Variants in PSD3 observed in about 807,000 individuals in gnomAD.
The protein encoded by PSD3 is PH and SEC7 domain-containing protein 3.
In PSD3, 49 loss-of-function variants were observed where a neutral mutation model predicts 105.5. The ratio of observed to expected loss-of-function variants is 0.46; its 90% confidence interval spans 0.37 to 0.59. The LOEUF is 0.59. Among genes scored for constraint, PSD3 ranks in the 20% least tolerant of loss-of-function variants. PSD3 has a pLI of 0.00. For synonymous variants in PSD3, 557 were observed against 457.8 expected (o/e 1.22, Z -2.77); for missense variants, 1,561 against 1,263.8 (o/e 1.24, Z -3.57).
At chr8:18,760,513 G>C (rs1046938751) in intron 9 of PSD3, among the ~76,000 whole-genome samples, 3 of 152,044 alleles carry the variant, frequency 2.0e-5, no homozygotes, top group African/African-American at 7.2e-5. Context: ...TTCTGTGCCT[G>C]GCTTATTTCA....
intron 8 of PSD3, among the ~76,000 whole-genome samples, chr8:18,772,421 T>C (rs1807624544): frequency 1.3e-5 from 2 of 152,216 alleles, no homozygotes; most frequent in Admixed American, 6.5e-5. Flanking sequence ...ATGATCGTAG[T>C]GGGTATCAGG....
chr8:19,076,633 C>T (rs1336277620), intron 1 of PSD3, among the ~76,000 whole-genome samples: 1 of 152,140 alleles, frequency 6.6e-6, no homozygotes, highest in African/African-American at 2.4e-5. Context: ...AACAGAAACA[C>T]AGTGAATATG....
intron 9 of PSD3, among the ~76,000 whole-genome samples, chr8:18,706,855 A>G (rs1327275554): frequency 2.0e-5 from 3 of 152,176 alleles, no homozygotes; most frequent in Admixed American, 6.5e-5. Context: ...TTAGTTACCT[A>G]TTAGGAAAGA....
At chr8:18,717,601 TTA>T (rs1802684316) in intron 9 of PSD3, among the ~76,000 whole-genome samples, 1 of 152,212 alleles carries the variant, frequency 6.6e-6, no homozygotes, top group South Asian at 2.1e-4. Flanking sequence ...ATTATATATT[TTA>T]TATGTTTGTA....
chr8:18,817,845 T>C (rs1190414454), intron 4 of PSD3, among the ~76,000 whole-genome samples: 2 of 152,212 alleles, frequency 1.3e-5, no homozygotes, highest in Non-Finnish European at 2.9e-5. Context: ...AAAAGCAAAG[T>C]GGACAGAATG....
rs555926218 is a variant in PSD3 at position 18,985,097 on chromosome 8, C to G, written c.21+28466G>C. The stretch of plus-strand genomic sequence containing the variant: ...TGCAGGTGCCCGCCACCACACCCGG[C>G]TAATTTTTATATTTTTAGTGGAGAT... On this transcript the variant is annotated intron_variant, in intron 1 of 15. Transcript: ENST00000327040. Among the ~76,000 whole-genome samples the G allele has an allele frequency of 7.5e-4, 114 of 152,280 alleles. No individual in the cohort carries two copies. The South Asian group carries it at 0.01, about 14-fold the overall frequency.
intron 1 of PSD3, among the ~76,000 whole-genome samples, chr8:19,062,503 C>T (rs78283092): frequency 0.098 from 14,831 of 151,436 alleles, 753 homozygotes; most frequent in African/African-American, 0.11. Flanking sequence ...GTTAACTCCA[C>T]GACAGACCAT....
At chr8:18,711,655 A>G (rs534354886) in intron 9 of PSD3, among the ~76,000 whole-genome samples, 1 of 152,196 alleles carries the variant, frequency 6.6e-6, no homozygotes, top group Non-Finnish European at 1.5e-5. Flanking sequence ...CTACAAAGAG[A>G]CTTAGACTCC....
intron 2 of PSD3, among the ~76,000 whole-genome samples, chr8:18,894,860 G>A (rs1398389819): frequency 1.3e-5 from 2 of 152,170 alleles, no homozygotes; most frequent in Admixed American, 1.3e-4. Flanking sequence ...GGAGACATCC[G>A]GAAGGGACAA....
intron 1 of PSD3, among the ~76,000 whole-genome samples, chr8:18,942,071 A>G (rs1237725657): frequency 2.0e-5 from 3 of 152,134 alleles, no homozygotes; most frequent in African/African-American, 7.2e-5. Flanking sequence ...AGTGGTTTTC[A>G]GTTGATTTGG....
intron 4 of PSD3, among the ~76,000 whole-genome samples, chr8:18,834,541 A>T (rs1813938979): frequency 6.6e-6 from 1 of 152,166 alleles, no homozygotes; most frequent in Non-Finnish European, 1.5e-5. Context: ...AGCTGACTGG[A>T]ACAGGAGTGA....
chr8:18,740,570 A>C (rs977481844), intron 9 of PSD3, among the ~76,000 whole-genome samples: 1 of 152,156 alleles, frequency 6.6e-6, no homozygotes, highest in Non-Finnish European at 1.5e-5. Context: ...TTTTGAGCTT[A>C]ACCTTGACAG....
At chr8:18,747,182 C>T (rs1229214641) in intron 9 of PSD3, among the ~76,000 whole-genome samples, 1 of 152,208 alleles carries the variant, frequency 6.6e-6, no homozygotes, top group Non-Finnish European at 1.5e-5. Flanking sequence ...CAAATTGGAG[C>T]TTGGCCTTTT....
chr8:18,733,803 A>G (rs1022693321), intron 9 of PSD3: 2 of 152,664 alleles, frequency 1.3e-5, no homozygotes, highest in African/African-American at 4.8e-5. Flanking sequence ...CAGTGTCTGC[A>G]ATGTAGTAGA....
rs35339568 is a variant in PSD3 at position 18,595,502 on chromosome 8, G to GAA, written c.2481+4860_2481+4861dup. The stretch of plus-strand genomic sequence containing the variant: ...GGAGGGACAGATGCAGAGAGAGAGA[G>GAA]AAAAAAAAACCCAAGTATAAGCTGT... On this transcript the variant is annotated intron_variant, in intron 12 of 15. Coordinates refer to ENST00000327040, the MANE Select transcript of PSD3 (RefSeq NM_015310.4). Among the ~76,000 whole-genome samples the GAA allele has an allele frequency of 8.5e-3, 1,257 of 148,164 alleles. 9 individuals are homozygous for GAA. The highest frequency in any genetic ancestry group is 0.017 in the Middle Eastern group (5 of 290).
intron 1 of PSD3, among the ~76,000 whole-genome samples, chr8:18,985,682 T>C (rs1277722374): frequency 1.3e-5 from 2 of 152,192 alleles, no homozygotes; most frequent in Non-Finnish European, 2.9e-5. Flanking sequence ...CATTTTCTTC[T>C]GGGATTTGAC....
intron 1 of PSD3, among the ~76,000 whole-genome samples, chr8:18,955,537 G>A (rs112177157): frequency 6.6e-5 from 10 of 152,064 alleles, no homozygotes; most frequent in East Asian, 5.8e-4. Context: ...TTATAGTGTT[G>A]CAACAATCAA....
At chr8:18,584,266 G>A (rs937615493) in intron 12 of PSD3, among the ~76,000 whole-genome samples, 8 of 152,198 alleles carry the variant, frequency 5.3e-5, no homozygotes, top group African/African-American at 1.9e-4. Flanking sequence ...TCAAGTCAGA[G>A]GCTGAAGGAA....
At chr8:18,939,082 T>C (rs1822349639) in intron 1 of PSD3, among the ~76,000 whole-genome samples, 1 of 152,158 alleles carries the variant, frequency 6.6e-6, no homozygotes, top group African/African-American at 2.4e-5. Flanking sequence ...TAAGAAAAGA[T>C]GCCATCTATA....
Sources: allele counts gnomAD v4.1 joint callset (sites outside exome capture counted in the v4.1 genomes callset), GRCh38; gene constraint gnomAD v4.1.1; transcripts MANE v1.5; gene names NCBI Gene and HGNC (gene_info 2026-07-23, HGNC 2026-07-21).